The following DICER1 variants were observed in gnomAD, a reference collection of about 807,000 sequenced individuals.
DICER1 encodes endoribonuclease Dicer.
A neutral mutation model predicts 194.1 loss-of-function variants in DICER1; 43 were observed. The ratio of observed to expected loss-of-function variants is 0.22; its 90% CI spans 0.17 to 0.29. The LOEUF (loss-of-function observed/expected upper bound fraction) is 0.29, where lower values mean the gene tolerates loss of function less well. Ranked by LOEUF, DICER1 falls within the 10% of genes least tolerant of loss-of-function variation. DICER1 has a pLI of 1.00. For synonymous variants in DICER1, 832 were observed against 820.5 expected (o/e 1.01, Z -0.24); for missense variants, 1,608 against 2,317.0 (o/e 0.69, Z 6.28).
intron 15 of DICER1, 53 bp downstream of exon 15, chr14:95,108,269 TTC>T: frequency 6.4e-7 from 1 of 1,560,970 alleles, no homozygotes; most frequent in Non-Finnish European, 8.8e-7. Context: ...TTTTTTTTTT[TTC>T]CTTTTCCTAA....
At chr14:95,102,762 G>C (rs992017396) in intron 21 of DICER1, among the ~76,000 whole-genome samples, 2 of 152,078 alleles carry the variant, frequency 1.3e-5, no homozygotes, top group South Asian at 4.2e-4. Flanking sequence ...CTGAGTTTAA[G>C]AGCCCGCCCT....
chr14:95,154,970 G>T (rs1733356574), intron 1 of DICER1, among the ~76,000 whole-genome samples: 1 of 151,962 alleles, frequency 6.6e-6, no homozygotes, highest in South Asian at 2.1e-4. Flanking sequence ...TCTTAACTGA[G>T]GAGTCACTAC....
Position 95,131,761 on chromosome 14 carries a change from T to C in DICER1, c.308-122A>G, listed in dbSNP as rs766003924. 4.1e-4 allele frequency: 395 copies of C among 958,374 alleles called. 1 individual carries two copies. Among genetic ancestry groups the C allele is most frequent in the South Asian group, 6.4e-4 (48 of 75,488 alleles). 59.4% of individuals were successfully genotyped at this position (958,374 alleles called of 1,614,324 possible). On this transcript the variant is annotated intron_variant, in intron 3 of 26. Transcript: ENST00000343455. ...ATTATATTAGACCTAACCAACAATG[T>C]TTTTGATAGCCTCTTTAAAACCACA...
At chr14:95,147,596 G>T (rs554959189) in intron 1 of DICER1, among the ~76,000 whole-genome samples, 1 of 152,348 alleles carries the variant, frequency 6.6e-6, no homozygotes, top group South Asian at 2.1e-4. Flanking sequence ...GACCAAATGT[G>T]TGGGGTTTCT....
In DICER1 at chr14:95,116,562, T is replaced by A. The variant is rs1261880466; in HGVS notation, c.1643A>T (p.Gln548Leu). 1 of 1,614,100 alleles carries A rather than the reference T, an allele frequency of 6.2e-7. No individual in the cohort carries two copies. Among genetic ancestry groups the A allele is most frequent in the African/African-American group, 1.3e-5 (1 of 75,038 alleles). The part of the protein sequence containing the change: ...DLPTEYRSYV[Q>L]SKGRARAPIS... ...GGGTGCCCTTGCTCTTCCTTTAGAT[T>A]GAACATAGGATCGATATTCTGTGGG... Residue 548 changes from glutamine to leucine, a missense_variant, in exon 10 of 27, where the codon CAA (glutamine) becomes CTA (leucine). Transcript: ENST00000343455.
chr14:95,146,905 G>A (rs112505832), intron 1 of DICER1, among the ~76,000 whole-genome samples: 3,116 of 152,280 alleles, frequency 0.02, 45 homozygotes, highest in Non-Finnish European at 0.03. Context: ...AAGGAAAAAG[G>A]GAGGGAGTGA....
intron 21 of DICER1, among the ~76,000 whole-genome samples, chr14:95,102,562 A>C (rs1010211723): frequency 6.6e-6 from 1 of 152,162 alleles, no homozygotes; most frequent in African/African-American, 2.4e-5. Context: ...TGCACTGTCA[A>C]CTTGCCTCCT....
In DICER1 at chr14:95,104,352, TAAG is replaced by T. The variant is rs1446543620; in HGVS notation, c.3270-229_3270-227del. 5.9e-5 allele frequency among the ~76,000 whole-genome samples: 9 copies of T among 152,300 alleles called. No homozygotes were observed. In the South Asian group the frequency reaches 1.0e-3, roughly 18 times the overall value. On this transcript the variant is annotated intron_variant, in intron 20 of 26. Transcript: ENST00000343455. ...GGCCCTAGACTCTAGGTGTGGTAGT[TAAG>T]AAGGTCACGAAGCTTGCAGGCATCC...
chr14:95,135,716 G>C (rs564192731), intron 1 of DICER1, among the ~76,000 whole-genome samples: 1 of 152,146 alleles, frequency 6.6e-6, no homozygotes. Context: ...GTTCATCTGC[G>C]TTTTTGCAAA....
In DICER1 at chr14:95,157,192, C is replaced by A. The variant is rs1895950454; in HGVS notation, c.-46+38G>T. On this transcript the variant is annotated intron_variant, in intron 1 of 26. Coordinates refer to ENST00000343455, the MANE Select transcript of DICER1 (RefSeq NM_177438.3). ...GCGCGGCCAGGCGACCCGCTCCCCG[C>A]CCCGGACACAAAGCTGCTCCGCGGG... is the stretch of plus-strand genomic sequence containing the variant. 2.7e-5 allele frequency: 4 copies of A among 150,176 alleles called. 1 individual carries two copies. In the South Asian group the frequency reaches 8.3e-4, roughly 31 times the overall value. The allele number at this position is 150,176 out of a possible 1,614,324, so 9.3% of individuals were successfully genotyped here.
intron 23 of DICER1, chr14:95,095,410 G>T (rs551627718): frequency 2.8e-4 from 62 of 218,990 alleles, no homozygotes; most frequent in African/African-American, 1.4e-3. Flanking sequence ...CTAAAGGAGG[G>T]GTCTTTTTGT....
At position 95,104,011 on chromosome 14, in the gene DICER1, G is replaced by A. The variant is rs1175693367; in HGVS notation, c.3385C>T (p.Pro1129Ser). ...DNYCKHSTIV[P>S]ENAAHQGANR... is the part of the protein sequence containing the mutation. ...GCACCTTGATGTGCAGCATTTTCAGGGACAATTGTGCTGTGCTTACAGTAA... is the reference window on the plus strand; with the variant it reads ...GCACCTTGATGTGCAGCATTTTCAGAGACAATTGTGCTGTGCTTACAGTAA... The change falls in exon 21 of 27, where the codon CCT becomes TCT. Residue 1129 changes from proline to serine, a missense_variant. Transcript: ENST00000343455. 1 of 1,614,026 alleles carries A rather than the reference G, an allele frequency of 6.2e-7. No individual in the cohort carries two copies. Among genetic ancestry groups the A allele is most frequent in the Non-Finnish European group, 8.5e-7 (1 of 1,179,998 alleles).
intron 9 of DICER1, 109 bp from the exon 10 acceptor site, chr14:95,116,804 T>TG (rs1368817804): frequency 1.8e-6 from 2 of 1,139,428 alleles, no homozygotes; most frequent in African/African-American, 3.1e-5. Flanking sequence ...CACATGCTCT[T>TG]GGGCATTCTA....
At position 95,090,183 on chromosome 14, in the gene DICER1, A is replaced by G. The variant is rs1162569791; in HGVS notation, c.*315T>C. The G allele has an allele frequency of 2.3e-6, 1 of 431,220 alleles. No homozygotes were observed. Among genetic ancestry groups the G allele is most frequent in the Non-Finnish European group, 4.2e-6 (1 of 235,760 alleles). The allele number at this position is 431,220 out of a possible 1,614,324, so 26.7% of individuals were successfully genotyped here. ...GCTGACATAAACTCAAAAAAAAAAA[A>G]ACAAAACCTGTCAATTATTTTGAGC... On this transcript the variant is annotated 3_prime_UTR_variant, in exon 27 of 27. Coordinates refer to ENST00000343455, the MANE Select transcript of DICER1 (RefSeq NM_177438.3).
At chr14:95,136,666 A>T (rs543649213) in intron 1 of DICER1, 1 of 152,348 alleles carries the variant, frequency 6.6e-6, no homozygotes, top group Non-Finnish European at 1.5e-5. Context: ...ACAGCAAAAA[A>T]TTTAGGACTT....
At chr14:95,119,926 CAATTCATAGCCTATACTTTG>C (rs1892795781) in intron 8 of DICER1, among the ~76,000 whole-genome samples, 1 of 152,152 alleles carries the variant, frequency 6.6e-6, no homozygotes, top group Admixed American at 6.5e-5. Context: ...ATTCTGGCAC[CAATTCATAGCCTATACTTTG>C]TGTGTATATG....
intron 13 of DICER1, 54 bp from the exon 14 acceptor site, chr14:95,111,510 G>A (rs1000032315): frequency 6.9e-6 from 11 of 1,583,206 alleles, no homozygotes; most frequent in African/African-American, 2.7e-5. Flanking sequence ...TGATTAATTA[G>A]TAAAGAATTT....
At chr14:95,104,941 A>G in intron 20 of DICER1, 130 bp downstream of exon 20, 1 of 886,352 alleles carries the variant, frequency 1.1e-6, no homozygotes, top group Non-Finnish European at 1.8e-6. Flanking sequence ...ACTTGACAAG[A>G]CATAAGATAT....
intron 1 of DICER1, among the ~76,000 whole-genome samples, chr14:95,137,382 A>G (rs541254996): frequency 6.9e-6 from 1 of 144,554 alleles, no homozygotes; most frequent in African/African-American, 2.6e-5. Context: ...GGGGAAGGGG[A>G]AGGAAAAGGT....
Sources: gnomAD v4.1 joint callset for allele counts (sites outside exome capture counted in the v4.1 genomes callset) on GRCh38, gnomAD v4.1.1 for gene constraint, MANE v1.5 for transcripts, NCBI Gene and HGNC (gene_info 2026-07-23, HGNC 2026-07-21) for gene names.